Variants in ASIC2 observed in about 807,000 individuals in gnomAD.
ASIC2 encodes the protein acid-sensing ion channel 2.
ASIC2 carries 25 observed loss-of-function variants against 57.3 expected under a neutral mutation model. That is an observed-to-expected ratio of 0.44 (90% CI 0.32 to 0.61). ASIC2 has a LOEUF of 0.61. ASIC2 is among the 20% of genes least tolerant of loss of function. The pLI is 0.06. For synonymous variants in ASIC2, 319 were observed against 307.5 expected, an observed-to-expected ratio of 1.04 and a Z score of -0.39; for missense variants, 641 against 738.1, an observed-to-expected ratio of 0.87 and a Z score of 1.52.
intron 1 of ASIC2, among the ~76,000 whole-genome samples, chr17:33,556,039 A>T (rs947195643): frequency 6.6e-6 from 1 of 152,236 alleles, no homozygotes; most frequent in Non-Finnish European, 1.5e-5. Flanking sequence ...TATCTTAAAG[A>T]TGACAGCCGC....
chr17:33,415,261 G>T lies in ASIC2; in HGVS notation c.556-303194C>A, dbSNP rs145861203. ...CACCTCAGGGACATCAAAATCTGTC[G>T]ATGCTCGAATCTAATATGGAATAAC... On this transcript the variant is annotated intron_variant, in intron 1 of 9. Transcript: ENST00000359872. Among the ~76,000 whole-genome samples the T allele has an allele frequency of 6.4e-4, 97 of 152,258 alleles. 1 individual carries two copies. Among genetic ancestry groups the T allele is most frequent in the African/African-American group, 2.2e-3 (92 of 41,538 alleles).
Position 33,447,364 on chromosome 17 carries a change from G to A in ASIC2, c.556-335297C>T, listed in dbSNP as rs975721936. On this transcript the variant is annotated intron_variant, in intron 1 of 9. Coordinates refer to the ASIC2 transcript ENST00000359872. ...CCACTAATCAGGAGGAGAAGCCAAG[G>A]GGGCCTGTCAAAGGGGGTGTTCTTA... 5.9e-5 allele frequency among the ~76,000 whole-genome samples: 9 copies of A among 152,300 alleles called. No homozygotes were observed. The East Asian group carries it at 1.7e-3, about 29-fold the overall frequency.
chr17:33,129,577 A>C (rs181922357), intron 1 of ASIC2, among the ~76,000 whole-genome samples: 87 of 152,346 alleles, frequency 5.7e-4, no homozygotes, highest in African/African-American at 2.0e-3. Context: ...ATTCTGTCAT[A>C]ATAATGGTGT....
At chr17:33,846,862 G>A (rs900273901) in intron 1 of ASIC2, among the ~76,000 whole-genome samples, 2 of 151,896 alleles carry the variant, frequency 1.3e-5, no homozygotes, top group Non-Finnish European at 2.9e-5. Flanking sequence ...CAGTGATAAC[G>A]TTTTAAGTCT....
intron 1 of ASIC2, among the ~76,000 whole-genome samples, chr17:33,152,365 G>C (rs1303173664): frequency 1.3e-5 from 2 of 152,220 alleles, no homozygotes; most frequent in African/African-American, 4.8e-5. Context: ...AATGCCAAGT[G>C]CTCTAGTGTT....
At chr17:33,705,335 AT>A (rs932892422) in intron 1 of ASIC2, among the ~76,000 whole-genome samples, 18 of 152,142 alleles carry the variant, frequency 1.2e-4, no homozygotes, top group African/African-American at 3.6e-4. Flanking sequence ...TGTACTAAAC[AT>A]TTTTTTAAAT....
intron 1 of ASIC2, among the ~76,000 whole-genome samples, chr17:33,316,122 T>G (rs1473356634): frequency 3.3e-5 from 5 of 152,216 alleles, no homozygotes; most frequent in Non-Finnish European, 4.4e-5. Flanking sequence ...TAACCTCATG[T>G]GGTTTTTTCC....
chr17:33,525,569 C>T (rs1914863496), intron 1 of ASIC2, among the ~76,000 whole-genome samples: 1 of 152,156 alleles, frequency 6.6e-6, no homozygotes. Context: ...CCTTGTTATC[C>T]CTCACTTTAT....
chr17:33,321,679 C>G (rs1458148467), intron 1 of ASIC2, among the ~76,000 whole-genome samples: 1 of 152,090 alleles, frequency 6.6e-6, no homozygotes, highest in East Asian at 1.9e-4. Flanking sequence ...TTTTTTTAGT[C>G]ATCAGAGGAA....
At chr17:33,859,007 G>C (rs1476176343) in intron 1 of ASIC2, among the ~76,000 whole-genome samples, 5 of 152,214 alleles carry the variant, frequency 3.3e-5, no homozygotes, top group Admixed American at 3.3e-4. Flanking sequence ...CCATTGAAAA[G>C]ATAAACCATA....
At chr17:33,803,015 G>C (rs1912173910) in intron 1 of ASIC2, among the ~76,000 whole-genome samples, 1 of 152,236 alleles carries the variant, frequency 6.6e-6, no homozygotes, top group African/African-American at 2.4e-5. Flanking sequence ...TGGATAGCTG[G>C]TAAACCTCTC....
intron 1 of ASIC2, among the ~76,000 whole-genome samples, chr17:33,503,415 T>A (rs1331784870): frequency 6.6e-6 from 1 of 152,148 alleles, no homozygotes; most frequent in Non-Finnish European, 1.5e-5. Flanking sequence ...GTAAGTCCTC[T>A]CTTATTCCTC....
At chr17:34,135,794 T>G (rs1422141879) in intron 1 of ASIC2, among the ~76,000 whole-genome samples, 1 of 152,068 alleles carries the variant, frequency 6.6e-6, no homozygotes, top group African/African-American at 2.4e-5. Flanking sequence ...ATAATAATAT[T>G]AATAGTAAAA....
chr17:34,156,627 G>T lies in ASIC2; in HGVS notation c.-95C>A, dbSNP rs1904734593. On this transcript the variant is annotated 5_prime_UTR_variant, in exon 1 of 10. Coordinates refer to the ASIC2 transcript ENST00000359872. This position sits in a 1 kb window ranked among gnomAD's most constrained non-coding sequence, Gnocchi z 4.4. The stretch of plus-strand genomic sequence containing the variant: ...GGCTCTGCTTAAACCTTGACGTTCA[G>T]GGGAGAGAACGCAAGGCAAGCATCG... 1 of 1,338,010 alleles carries T rather than the reference G, an allele frequency of 7.5e-7. No individual in the cohort carries two copies. Among genetic ancestry groups the T allele is most frequent in the South Asian group, 1.5e-5 (1 of 66,942 alleles). The allele number at this position is 1,338,010 out of a possible 1,614,324, so 82.9% of individuals were successfully genotyped here. A position where few individuals can be genotyped will look rare whatever the true frequency, so the allele number is the denominator to read the frequency against.
At chr17:33,335,743 C>T (rs367938067) in intron 1 of ASIC2, among the ~76,000 whole-genome samples, 42 of 152,280 alleles carry the variant, frequency 2.8e-4, no homozygotes, top group Admixed American at 9.8e-4. Flanking sequence ...TAGTCATGAA[C>T]GTGAGGATGT....
intron 1 of ASIC2, among the ~76,000 whole-genome samples, chr17:34,041,709 T>C (rs946588475): frequency 6.6e-6 from 1 of 152,170 alleles, no homozygotes; most frequent in East Asian, 1.9e-4. Context: ...TGGTGTGAGG[T>C]GCTGGCAAAG....
intron 1 of ASIC2, among the ~76,000 whole-genome samples, chr17:33,360,942 G>T (rs115340158): frequency 6.6e-6 from 1 of 152,182 alleles, no homozygotes; most frequent in African/African-American, 2.4e-5. Flanking sequence ...TCTCAGCATT[G>T]TTCCAAAACC....
chr17:33,516,413 T>TGAGA (rs1310362132), intron 1 of ASIC2, among the ~76,000 whole-genome samples: 29 of 151,300 alleles, frequency 1.9e-4, no homozygotes, highest in African/African-American at 7.1e-4. Context: ...TGTGAGTGTG[T>TGAGA]GTGTGTGTGT....
chr17:33,300,548 A>G (rs1283369869), intron 1 of ASIC2, among the ~76,000 whole-genome samples: 2 of 152,210 alleles, frequency 1.3e-5, no homozygotes, highest in Non-Finnish European at 1.5e-5. Context: ...CTTAAACAGC[A>G]GGTTATGCAG....
Sources: allele counts gnomAD v4.1 joint callset (sites outside exome capture counted in the v4.1 genomes callset), GRCh38; gene constraint gnomAD v4.1.1; non-coding constraint Gnocchi (gnomAD v3.1); transcripts MANE v1.5; gene names NCBI Gene and HGNC (gene_info 2026-07-23, HGNC 2026-07-21).